SLC35F5: variants seen among roughly 807,000 people sequenced by gnomAD.
SLC35F5 encodes the protein HCV NS5A-transactivated protein 3.
SLC35F5 carries 54 observed loss-of-function variants against 68.6 expected under a neutral mutation model. That is an observed-to-expected ratio of 0.79 (90% confidence interval 0.63 to 0.99). The LOEUF is 0.99. SLC35F5 is among the 50% of genes least tolerant of loss of function. SLC35F5 has a pLI of 0.00. For missense variants in SLC35F5, 567 were observed against 626.9 expected (o/e 0.90, Z 1.02); for synonymous variants, 211 against 205.2 (o/e 1.03, Z -0.24).
downstream of SLC35F5, among the ~76,000 whole-genome samples, chr2:113,704,530 C>T (rs1487197464): frequency 6.6e-6 from 1 of 152,148 alleles, no homozygotes; most frequent in Non-Finnish European, 1.5e-5. Context: ...TGGCGGGCTG[C>T]AGGTCCCGAG....
chr2:113,707,051 G>A lies in SLC35F5; in HGVS notation c.*8167C>T, dbSNP rs1451380534. Among the ~76,000 whole-genome samples the A allele has an allele frequency of 6.6e-6, 1 of 152,030 alleles. No homozygotes were observed. The highest frequency in any genetic ancestry group is 1.5e-5 in the Non-Finnish European group (1 of 67,996). On this transcript the variant is annotated 3_prime_UTR_variant, in exon 16 of 16. Coordinates refer to ENST00000245680, the MANE Select transcript of SLC35F5 (RefSeq NM_025181.5). ...TTGTGTTTAAATTTTAAATACTCTAGAATCTGAAAATATTAAATATTAAAT... is the reference window on the plus strand; with the variant it reads ...TTGTGTTTAAATTTTAAATACTCTAAAATCTGAAAATATTAAATATTAAAT...
chr2:113,740,369 C>A (rs76388479), intron 7 of SLC35F5, among the ~76,000 whole-genome samples: 2,915 of 152,268 alleles, frequency 0.019, 111 homozygotes, highest in African/African-American at 0.065. Flanking sequence ...GGAACTATCT[C>A]TCTTCCTTGG....
At chr2:113,725,928 GCTCT>G (rs1687644688) in intron 11 of SLC35F5, 2 of 154,022 alleles carry the variant, frequency 1.3e-5, no homozygotes, top group South Asian at 2.0e-4. Flanking sequence ...TAGATGGTTT[GCTCT>G]CTGATTCAAT....
chr2:113,750,591 G>C (rs779549689), intron 3 of SLC35F5, 23 bp from the exon 4 acceptor site: 1 of 1,587,354 alleles, frequency 6.3e-7, no homozygotes, highest in East Asian at 2.3e-5. Context: ...AAGTTACACA[G>C]ACAACTCTGA....
At chr2:113,754,215 G>C (rs1278926062) in intron 3 of SLC35F5, among the ~76,000 whole-genome samples, 1 of 151,354 alleles carries the variant, frequency 6.6e-6, no homozygotes, top group East Asian at 1.9e-4. Flanking sequence ...CCTTGAACCC[G>C]GGAGGCGGAG....
intron 14 of SLC35F5, 145 bp from the exon 15 acceptor site, chr2:113,717,995 T>C (rs1429674918): frequency 5.5e-6 from 3 of 546,818 alleles, no homozygotes; most frequent in African/African-American, 1.9e-5. Context: ...TCCCAAGAAC[T>C]TGTCCCAAGT....
chr2:113,746,387 C>T, intron 4 of SLC35F5, 48 bp from the exon 5 acceptor site: 2 of 1,452,526 alleles, frequency 1.4e-6, no homozygotes, highest in Non-Finnish European at 1.9e-6. Flanking sequence ...TTACATTATA[C>T]TGTAGGACTA....
chr2:113,750,379 G>T (rs180910421), intron 4 of SLC35F5, 46 bp downstream of exon 4: 6 of 1,477,580 alleles, frequency 4.1e-6, no homozygotes, highest in South Asian at 1.4e-5. Flanking sequence ...TTGAAAAAAC[G>T]TATCTATACC....
At chr2:113,702,834 C>G (rs1686722405), downstream of SLC35F5, among the ~76,000 whole-genome samples, 2 of 152,072 alleles carry the variant, frequency 1.3e-5, no homozygotes, top group Non-Finnish European at 2.9e-5. Flanking sequence ...ATGGGCCAGG[C>G]ACGGTGGCTC....
chr2:113,743,667 G>C (rs1421031076), intron 6 of SLC35F5, 46 bp downstream of exon 6: 1 of 1,496,060 alleles, frequency 6.7e-7, no homozygotes, highest in Non-Finnish European at 9.3e-7. Flanking sequence ...TTCTGAAGTG[G>C]CTTGAATAAA....
At chr2:113,730,668 A>T (rs969372699) in intron 10 of SLC35F5, among the ~76,000 whole-genome samples, 7 of 152,200 alleles carry the variant, frequency 4.6e-5, no homozygotes, top group Non-Finnish European at 7.3e-5. Context: ...TCCTGGCCTC[A>T]AGCGATCCTC....
At position 113,742,684 on chromosome 2, in the gene SLC35F5, A is replaced by G; in HGVS notation, c.750+8T>C. On this transcript the variant is annotated splice_region_variant and intron_variant, in intron 7 of 15. Coordinates refer to ENST00000245680, the MANE Select transcript of SLC35F5 (RefSeq NM_025181.5). ...ACATCATATGCAAACATATCATAAA[A>G]GACCTACCACAAAGCAAAAAAAAAA... 6.2e-7 allele frequency: 1 copy of G among 1,613,558 alleles called. No individual in the cohort carries two copies. The highest frequency in any genetic ancestry group is 8.5e-7 in the Non-Finnish European group (1 of 1,179,836).
In SLC35F5 at chr2:113,721,971, C is replaced by CTTTT. The variant is rs71297192; in HGVS notation, c.1341+1129_1341+1132dup. On this transcript the variant is annotated intron_variant, in intron 13 of 15. Transcript: ENST00000245680. ...AGCACTAAGCATATTTTGCTTTTATCTTTTTTTTTTTTTTTTTTTTTGAGA... is the reference window on the plus strand; with the variant it reads ...AGCACTAAGCATATTTTGCTTTTATCTTTTTTTTTTTTTTTTTTTTTTTTTGAGA... Among the ~76,000 whole-genome samples, 89 of 107,640 alleles carry CTTTT rather than the reference C, an allele frequency of 8.3e-4. 1 individual carries two copies. Among genetic ancestry groups the CTTTT allele is most frequent in the Middle Eastern group, 5.7e-3 (1 of 174 alleles). The allele number at this position is 107,640 out of a possible 152,430, so 70.6% of individuals were successfully genotyped here.
At chr2:113,742,173 AGTTTCT>A (rs1676301629) in intron 7 of SLC35F5, 1 of 152,714 alleles carries the variant, frequency 6.5e-6, no homozygotes. Flanking sequence ...CACAGTTTTC[AGTTTCT>A]ATCTTTAAAA....
chr2:113,753,605 G>GT (rs1295282112), intron 3 of SLC35F5, among the ~76,000 whole-genome samples: 4 of 152,116 alleles, frequency 2.6e-5, no homozygotes, highest in African/African-American at 9.7e-5. Flanking sequence ...GGTAAGTTGA[G>GT]TTTTTTCCTC....
chr2:113,730,202 C>T (rs1687827450), intron 10 of SLC35F5, among the ~76,000 whole-genome samples: 1 of 152,174 alleles, frequency 6.6e-6, no homozygotes, highest in Non-Finnish European at 1.5e-5. Flanking sequence ...AAACAGCTAA[C>T]ATAATACAGA....
chr2:113,716,049 T>A (rs1687166979), intron 15 of SLC35F5, among the ~76,000 whole-genome samples: 1 of 152,176 alleles, frequency 6.6e-6, no homozygotes, highest in Admixed American at 6.6e-5. Flanking sequence ...CCCAAAATGC[T>A]AGGATTACAG....
intron 9 of SLC35F5, among the ~76,000 whole-genome samples, chr2:113,732,451 C>G (rs1687933316): frequency 6.6e-6 from 1 of 152,018 alleles, no homozygotes; most frequent in South Asian, 2.1e-4. Context: ...GCCTAATTCT[C>G]TCACCCTGAT....
intron 11 of SLC35F5, 171 bp from the exon 12 acceptor site, chr2:113,725,708 T>TA (rs142067133): frequency 0.15 from 68,571 of 450,926 alleles, 1,231 homozygotes; most frequent in Middle Eastern, 0.18. Context: ...CTCAACGCCA[T>TA]AGAAAAAAAA....
Sources: allele counts gnomAD v4.1 joint callset (sites outside exome capture counted in the v4.1 genomes callset), GRCh38; gene constraint gnomAD v4.1.1; transcripts MANE v1.5; gene names NCBI Gene and HGNC (gene_info 2026-07-23, HGNC 2026-07-21).